RELCH: variants seen among roughly 807,000 people sequenced by gnomAD.
The protein encoded by RELCH is RAB11-binding protein RELCH.
A neutral mutation model predicts 150.3 loss-of-function variants in RELCH; 41 were observed. The ratio of observed to expected loss-of-function variants is 0.27; its 90% CI spans 0.21 to 0.35. The LOEUF (loss-of-function observed/expected upper bound fraction) is 0.35. Ranked by LOEUF, RELCH falls within the 10% of genes least tolerant of loss-of-function variation. RELCH has a pLI of 1.00. For missense variants in RELCH, 1,092 were observed against 1,467.8 expected (o/e 0.74, Z 4.18); for synonymous variants, 478 against 531.8 (o/e 0.90, Z 1.39).
At chr18:62,269,433 A>C (rs1367735275) in intron 20 of RELCH, 2 of 430,268 alleles carry the variant, frequency 4.6e-6, no homozygotes, top group Non-Finnish European at 9.4e-6. Flanking sequence ...TTGCATATAC[A>C]TAATGAGATA....
chr18:62,266,403 C>G (rs1264744493), intron 18 of RELCH, among the ~76,000 whole-genome samples: 1 of 151,742 alleles, frequency 6.6e-6, no homozygotes, highest in East Asian at 1.9e-4. Flanking sequence ...GTAATTTCAA[C>G]CACTTAAAAT....
At chr18:62,214,043 C>G (rs1292327745) in intron 2 of RELCH, among the ~76,000 whole-genome samples, 2 of 151,588 alleles carry the variant, frequency 1.3e-5, no homozygotes, top group African/African-American at 4.8e-5. Context: ...TAATTTGAGA[C>G]TATCATAAGA....
intron 11 of RELCH, 35 bp downstream of exon 11, chr18:62,244,911 A>G (rs2042325300): frequency 2.2e-6 from 3 of 1,350,592 alleles, no homozygotes; most frequent in Non-Finnish European, 2.1e-6. Flanking sequence ...AAGAAATACA[A>G]TGTGACTTAC....
chr18:62,244,149 A>T (rs2042286574), intron 10 of RELCH, among the ~76,000 whole-genome samples: 1 of 152,100 alleles, frequency 6.6e-6, no homozygotes, highest in African/African-American at 2.4e-5. Flanking sequence ...CAAAATGCTG[A>T]ATTTACCTCT....
intron 9 of RELCH, 38 bp downstream of exon 9, chr18:62,231,307 C>A: frequency 7.9e-7 from 1 of 1,271,198 alleles, no homozygotes; most frequent in Non-Finnish European, 1.1e-6. Flanking sequence ...TTTTTAAAAA[C>A]ATTCTACTGT....
intron 2 of RELCH, among the ~76,000 whole-genome samples, chr18:62,213,082 T>A (rs1238147527): frequency 6.6e-6 from 1 of 152,158 alleles, no homozygotes; most frequent in East Asian, 1.9e-4. Context: ...ATTGGTAATA[T>A]CTAAAAATTT....
intron 12 of RELCH, among the ~76,000 whole-genome samples, chr18:62,255,033 G>A (rs1054835296): frequency 7.9e-5 from 12 of 152,042 alleles, no homozygotes; most frequent in East Asian, 1.9e-4. Flanking sequence ...ATTATAGACC[G>A]TATCTATAAG....
intron 28 of RELCH, among the ~76,000 whole-genome samples, chr18:62,299,522 T>A (rs1199945062): frequency 6.6e-6 from 1 of 152,026 alleles, no homozygotes; most frequent in Non-Finnish European, 1.5e-5. Context: ...ACACACACAC[T>A]CACGCATACG....
At chr18:62,208,860 A>C (rs2039982770) in intron 1 of RELCH, among the ~76,000 whole-genome samples, 1 of 152,186 alleles carries the variant, frequency 6.6e-6, no homozygotes, top group African/African-American at 2.4e-5. Flanking sequence ...CATAGTAGAA[A>C]TCTCACAGTG....
chr18:62,282,499 A>T lies in RELCH; in HGVS notation c.3253+55A>T, dbSNP rs1600226560. 7.7e-6 allele frequency: 12 copies of T among 1,564,338 alleles called. No homozygotes were observed. In the South Asian group the frequency reaches 1.3e-4, roughly 16 times the overall value. ...AATTGTAATGTAAGATCAAAGCTAG[A>T]CACTCCTCTGAGGCCTTGTCATGTA... On this transcript the variant is annotated intron_variant, in intron 25 of 28. Coordinates refer to ENST00000644646, the MANE Select transcript of RELCH (RefSeq NM_001346231.2).
intron 26 of RELCH, among the ~76,000 whole-genome samples, chr18:62,290,261 C>T (rs1328593573): frequency 2.0e-5 from 3 of 152,252 alleles, no homozygotes; most frequent in East Asian, 1.9e-4. Context: ...TGGCCGGGCA[C>T]GGTGGCTCAC....
intron 2 of RELCH, among the ~76,000 whole-genome samples, chr18:62,211,452 C>A (rs1223709001): frequency 1.3e-5 from 2 of 152,128 alleles, no homozygotes; most frequent in African/African-American, 2.4e-5. Context: ...GGTTATGTAT[C>A]CCTATAATTT....
rs1052785007 is a variant in RELCH, at chr18:62,307,855, C to G, written c.*2321C>G. 1 of 152,166 alleles carries G rather than the reference C, an allele frequency of 6.6e-6. No homozygotes were observed. Among genetic ancestry groups the G allele is most frequent in the African/African-American group, 2.4e-5 (1 of 41,434 alleles). 9.4% of individuals were successfully genotyped at this position (152,166 alleles called of 1,614,324 possible). A position where few individuals can be genotyped will look rare whatever the true frequency, so the allele number is the denominator to read the frequency against. On this transcript the variant is annotated 3_prime_UTR_variant, in exon 29 of 29. Transcript: ENST00000644646. ...AGAAGTGCCATAATTACTAATTTAG[C>G]TGAATTCTTCCAAGAACAGTGCTTG...
At chr18:62,237,643 G>A (rs1237326741) in intron 10 of RELCH, among the ~76,000 whole-genome samples, 12 of 151,556 alleles carry the variant, frequency 7.9e-5, no homozygotes, top group Admixed American at 7.9e-4. Flanking sequence ...GTGCCAGTAT[G>A]TACTTACATA....
chr18:62,208,606 A>G (rs756131669), intron 1 of RELCH, among the ~76,000 whole-genome samples: 1 of 152,146 alleles, frequency 6.6e-6, no homozygotes, highest in Non-Finnish European at 1.5e-5. Flanking sequence ...TTTGTCACTC[A>G]GGTACTAAGC....
chr18:62,224,452 G>T (rs777190456), intron 5 of RELCH, among the ~76,000 whole-genome samples: 8 of 152,020 alleles, frequency 5.3e-5, no homozygotes, highest in Non-Finnish European at 1.2e-4. Flanking sequence ...AGTAATTCAA[G>T]CACACATTTT....
Position 62,227,511 on chromosome 18 carries a change from T to C in RELCH, c.1062+19T>C. On this transcript the variant is annotated intron_variant, in intron 6 of 28. Coordinates refer to ENST00000644646, the MANE Select transcript of RELCH (RefSeq NM_001346231.2). Reference sequence around the variant, plus strand: ...TGCAGAGGTGAGAGATAGCAACTAATTAGTCAAGTCCACAGAAAGTATTTA... The same window carrying C: ...TGCAGAGGTGAGAGATAGCAACTAACTAGTCAAGTCCACAGAAAGTATTTA... 6.2e-7 allele frequency: 1 copy of C among 1,601,042 alleles called. No individual in the cohort carries two copies. Among genetic ancestry groups the C allele is most frequent in the Non-Finnish European group, 8.6e-7 (1 of 1,169,182 alleles).
chr18:62,255,528 A>G (rs1423934072), intron 13 of RELCH, 50 bp downstream of exon 13: 1 of 1,370,412 alleles, frequency 7.3e-7, no homozygotes, highest in Non-Finnish European at 1.0e-6. Flanking sequence ...AATAATAGAA[A>G]AACCTTTTTT....
At position 62,287,561 on chromosome 18, in the gene RELCH, T is replaced by G. The variant is rs2044877215; in HGVS notation, c.3370+94T>G. On this transcript the variant is annotated intron_variant, in intron 26 of 28. Coordinates refer to ENST00000644646, the MANE Select transcript of RELCH (RefSeq NM_001346231.2). ...AGATTGAAAAGTAGAACTTCTTTTC[T>G]TCAACTTACATTAAGCGTTGTAGAA... 3 of 735,744 alleles carry G rather than the reference T, an allele frequency of 4.1e-6. No individual in the cohort carries two copies. In the South Asian group the frequency reaches 4.8e-5, roughly 12 times the overall value. 45.6% of individuals were successfully genotyped at this position (735,744 alleles called of 1,614,324 possible). A position where few individuals can be genotyped will look rare whatever the true frequency, so the allele number is the denominator to read the frequency against.
Sources: gnomAD v4.1 joint callset for allele counts (sites outside exome capture counted in the v4.1 genomes callset) on GRCh38, gnomAD v4.1.1 for gene constraint, MANE v1.5 for transcripts, NCBI Gene and HGNC (gene_info 2026-07-23, HGNC 2026-07-21) for gene names.